CLIC4: variants seen among roughly 807,000 people sequenced by gnomAD.
The protein encoded by CLIC4 is CLIC family member 4, also known as chloride intracellular channel protein 4.
Under a neutral mutation model 24.6 loss-of-function variants are expected in CLIC4, and 13 were observed. The ratio of observed to expected loss-of-function variants is 0.53; its 90% CI spans 0.34 to 0.84. The LOEUF (loss-of-function observed/expected upper bound fraction) is 0.84, where lower values mean the gene tolerates loss of function less well. Among genes scored for constraint, CLIC4 ranks in the 40% least tolerant of loss-of-function variants. CLIC4 has a pLI of 0.01. For missense variants in CLIC4, 227 were observed against 301.7 expected (o/e 0.75, Z 1.83); for synonymous variants, 104 against 111.3 (o/e 0.93, Z 0.41).
chr1:24,765,752 A>G (rs1275654234), intron 1 of CLIC4, among the ~76,000 whole-genome samples: 1 of 151,812 alleles, frequency 6.6e-6, no homozygotes, highest in African/African-American at 2.4e-5. Flanking sequence ...AGAGCCAGGG[A>G]TGATTGTTTA....
chr1:24,799,746 G>T (rs1376020628), intron 2 of CLIC4, among the ~76,000 whole-genome samples: 1 of 135,462 alleles, frequency 7.4e-6, no homozygotes, highest in Non-Finnish European at 1.6e-5. Flanking sequence ...CGGGAGGGAG[G>T]TGGGGGGGTC....
Position 24,827,010 on chromosome 1 carries a change from G to T in CLIC4, c.309G>T (p.Lys103Asn). ...EFLEEVLCPP[K>N]YLKLSPKHPE... ...AATCCATATCACTTTTTCTATTTAG[G>T]TACTTAAAGCTTTCACCAAAACACC... is the stretch of plus-strand genomic sequence containing the variant. The change falls in exon 4 of 6, where the codon AAG becomes AAT. Residue 103 changes from lysine (K) to asparagine (N), a missense_variant and splice_region_variant. By Grantham distance (94) the Lys-to-Asn change is moderately conservative. Transcript: ENST00000374379. The T allele has an allele frequency of 1.9e-6, 3 of 1,593,390 alleles. No individual in the cohort carries two copies. The highest frequency in any genetic ancestry group is 2.6e-6 in the Non-Finnish European group (3 of 1,170,578).
intron 2 of CLIC4, among the ~76,000 whole-genome samples, chr1:24,808,262 T>G (rs776517043): frequency 6.6e-6 from 1 of 152,158 alleles, no homozygotes; most frequent in Non-Finnish European, 1.5e-5. Context: ...CATCTCTTGG[T>G]ATCCATGGGG....
intron 1 of CLIC4, among the ~76,000 whole-genome samples, chr1:24,750,440 T>C (rs113582109): frequency 9.4e-4 from 134 of 143,116 alleles, no homozygotes; most frequent in African/African-American, 2.9e-3. Context: ...TTCTTTCTTT[T>C]TTTTTTTTTT....
At chr1:24,829,465 G>A (rs1639818845) in intron 4 of CLIC4, among the ~76,000 whole-genome samples, 1 of 152,108 alleles carries the variant, frequency 6.6e-6, no homozygotes, top group Non-Finnish European at 1.5e-5. Flanking sequence ...AACCATTTAG[G>A]CAGTCAAAGA....
intron 1 of CLIC4, among the ~76,000 whole-genome samples, chr1:24,782,929 A>C (rs188654823): frequency 5.9e-5 from 9 of 152,298 alleles, no homozygotes; most frequent in Admixed American, 5.2e-4. Flanking sequence ...GCAGTGAGCT[A>C]TGATGGCACC....
chr1:24,775,952 C>A (rs1298854853), intron 1 of CLIC4, among the ~76,000 whole-genome samples: 1 of 151,500 alleles, frequency 6.6e-6, no homozygotes, highest in Admixed American at 6.6e-5. Flanking sequence ...TTTTGTTATG[C>A]CCGTCTTAAA....
chr1:24,795,073 A>T (rs895288849), intron 1 of CLIC4, among the ~76,000 whole-genome samples: 5 of 152,120 alleles, frequency 3.3e-5, no homozygotes, highest in African/African-American at 1.2e-4. Context: ...AGAAATAACT[A>T]TTGGGCTCTA....
At chr1:24,799,425 T>C (rs1406285634) in intron 2 of CLIC4, among the ~76,000 whole-genome samples, 1 of 146,722 alleles carries the variant, frequency 6.8e-6, no homozygotes, top group East Asian at 2.1e-4. Context: ...CCACCCCGTC[T>C]GAGAAGTGAG....
At chr1:24,745,977 C>T (rs978464020) in intron 1 of CLIC4, among the ~76,000 whole-genome samples, 51 of 150,564 alleles carry the variant, frequency 3.4e-4, no homozygotes, top group African/African-American at 1.2e-3. Flanking sequence ...CCTGTCACCA[C>T]CCCCCGCCCG....
intron 1 of CLIC4, among the ~76,000 whole-genome samples, chr1:24,763,137 G>T (rs1178879860): frequency 2.6e-5 from 4 of 152,046 alleles, no homozygotes; most frequent in Non-Finnish European, 4.4e-5. Context: ...CTTTGTATAA[G>T]CCAGACTGTC....
chr1:24,814,799 C>T (rs955142077), intron 3 of CLIC4, among the ~76,000 whole-genome samples: 1 of 152,204 alleles, frequency 6.6e-6, no homozygotes, highest in Non-Finnish European at 1.5e-5. Flanking sequence ...TTGCATCATA[C>T]TGTAATATTG....
At chr1:24,763,714 G>A (rs978350251) in intron 1 of CLIC4, among the ~76,000 whole-genome samples, 2 of 151,992 alleles carry the variant, frequency 1.3e-5, no homozygotes, top group Non-Finnish European at 2.9e-5. Context: ...TTTCCCTGAA[G>A]CAACCTTTCC....
At chr1:24,821,183 T>C (rs1263435375) in intron 3 of CLIC4, among the ~76,000 whole-genome samples, 2 of 145,680 alleles carry the variant, frequency 1.4e-5, no homozygotes, top group Non-Finnish European at 1.5e-5. Context: ...AGACCCTGTC[T>C]CAAAAAAGAA....
intron 1 of CLIC4, among the ~76,000 whole-genome samples, chr1:24,789,466 C>A (rs1469746154): frequency 6.6e-6 from 1 of 152,132 alleles, no homozygotes; most frequent in Admixed American, 6.5e-5. Flanking sequence ...TGCAGTGAGC[C>A]GTGATCGCGC....
intron 1 of CLIC4, among the ~76,000 whole-genome samples, chr1:24,792,759 C>A (rs1165311731): frequency 6.6e-6 from 1 of 152,132 alleles, no homozygotes; most frequent in Non-Finnish European, 1.5e-5. Flanking sequence ...ATACCTGAAA[C>A]AAAAGTAAAT....
Position 24,790,054 on chromosome 1 carries a change from T to C in CLIC4, c.73-7688T>C, listed in dbSNP as rs1639314683. On this transcript the variant is annotated intron_variant, in intron 1 of 5. Transcript: ENST00000374379. ...GAAGTCCAAGTGCCGCACTGGGTTA[T>C]CTCATTTTTATTTTTTTATTTTTAT... 2.0e-5 allele frequency among the ~76,000 whole-genome samples: 3 copies of C among 152,300 alleles called. No homozygotes were observed. In the South Asian group the frequency reaches 6.2e-4, roughly 32 times the overall value.
At chr1:24,816,461 T>C (rs926192345) in intron 3 of CLIC4, among the ~76,000 whole-genome samples, 1 of 152,100 alleles carries the variant, frequency 6.6e-6, no homozygotes, top group African/African-American at 2.4e-5. Context: ...CAGGCTGGTC[T>C]TGAACTCCTG....
intron 1 of CLIC4, among the ~76,000 whole-genome samples, chr1:24,756,702 A>T (rs979092119): frequency 6.6e-6 from 1 of 152,172 alleles, no homozygotes; most frequent in African/African-American, 2.4e-5. Context: ...CCAAACAATC[A>T]GATGAAAGCT....
Sources: allele counts gnomAD v4.1 joint callset (sites outside exome capture counted in the v4.1 genomes callset), GRCh38; gene constraint gnomAD v4.1.1; transcripts MANE v1.5; gene names NCBI Gene and HGNC (gene_info 2026-07-23, HGNC 2026-07-21).